Variants in PKP2 observed in about 807,000 individuals in gnomAD.
PKP2 encodes plakophilin-2.
In PKP2, 73 loss-of-function variants were observed where a neutral mutation model predicts 83.4. That is an observed-to-expected ratio of 0.88 (90% CI 0.72 to 1.06). The LOEUF (loss-of-function observed/expected upper bound fraction) is 1.06. PKP2 is among the 50% of genes least tolerant of loss of function. The pLI, the probability that PKP2 is intolerant of heterozygous loss-of-function variation, is 0.00. For missense variants in PKP2, 966 were observed against 1,065.4 expected, an observed-to-expected ratio of 0.91 and a Z score of 1.30; for synonymous variants, 409 against 430.4, an observed-to-expected ratio of 0.95 and a Z score of 0.62.
chr12:32,881,378 A>G (rs1956984568), intron 1 of PKP2, among the ~76,000 whole-genome samples: 1 of 152,138 alleles, frequency 6.6e-6, no homozygotes, highest in South Asian at 2.1e-4. Flanking sequence ...TTTAATCTCT[A>G]TGGCAAAGAA....
intron 4 of PKP2, among the ~76,000 whole-genome samples, chr12:32,857,302 TG>T (rs1389296068): frequency 6.6e-6 from 1 of 152,032 alleles, no homozygotes; most frequent in Non-Finnish European, 1.5e-5. Context: ...GGCATGCACC[TG>T]TAGTCTCAGC....
At chr12:32,871,338 G>C (rs535628504) in intron 3 of PKP2, among the ~76,000 whole-genome samples, 16 of 152,122 alleles carry the variant, frequency 1.1e-4, no homozygotes, top group Admixed American at 1.3e-4. Context: ...TTCTGTTTCA[G>C]GTGTGAGAGT....
rs1382350974 is a variant in PKP2, at chr12:32,843,215, T to A, written c.1379-2010A>T. ...TCAGGCTGGTCTCGAACTCCTGACC[T>A]CGTGATCCGCCCGCCTTGGCCTCCC... On this transcript the variant is annotated intron_variant, in intron 5 of 12. Coordinates refer to ENST00000340811, the MANE Select transcript of PKP2 (RefSeq NM_001005242.3). 1 of 648,138 alleles carries A rather than the reference T, an allele frequency of 1.5e-6. No individual in the cohort carries two copies. 40.1% of individuals were successfully genotyped at this position (648,138 alleles called of 1,614,324 possible). A position where few individuals can be genotyped will look rare whatever the true frequency, so the allele number is the denominator to read the frequency against.
intron 6 of PKP2, among the ~76,000 whole-genome samples, chr12:32,829,401 C>G (rs1427858218): frequency 1.3e-5 from 2 of 150,424 alleles, no homozygotes; most frequent in Non-Finnish European, 3.0e-5. Flanking sequence ...ACTACAGGCG[C>G]ATGTCACCAT....
chr12:32,839,948 C>T (rs1260618920), intron 6 of PKP2, among the ~76,000 whole-genome samples: 2 of 152,214 alleles, frequency 1.3e-5, no homozygotes, highest in African/African-American at 4.8e-5. Flanking sequence ...AGGCCCAGCT[C>T]ACTCGACACC....
At chr12:32,833,076 C>G (rs1565584311) in intron 6 of PKP2, among the ~76,000 whole-genome samples, 1 of 152,092 alleles carries the variant, frequency 6.6e-6, no homozygotes, top group Non-Finnish European at 1.5e-5. Context: ...AACCCCGTCT[C>G]TACTAAAAAT....
intron 3 of PKP2, among the ~76,000 whole-genome samples, chr12:32,872,748 A>G (rs1413839612): frequency 1.3e-5 from 2 of 152,160 alleles, no homozygotes; most frequent in Non-Finnish European, 1.5e-5. Flanking sequence ...AATCCCCACA[A>G]ATATTTTAAA....
intron 6 of PKP2, among the ~76,000 whole-genome samples, chr12:32,830,005 C>A (rs530197807): frequency 2.0e-5 from 3 of 152,258 alleles, no homozygotes; most frequent in South Asian, 2.1e-4. Context: ...AGATAGTGAT[C>A]ACCTCAATGG....
At chr12:32,850,158 T>C (rs936030236) in intron 5 of PKP2, among the ~76,000 whole-genome samples, 18 of 152,362 alleles carry the variant, frequency 1.2e-4, no homozygotes, top group African/African-American at 4.3e-4. Flanking sequence ...GCAGTGAGTC[T>C]TGTCAAATTG....
At chr12:32,805,427 A>G (rs539556683) in intron 9 of PKP2, among the ~76,000 whole-genome samples, 3 of 152,166 alleles carry the variant, frequency 2.0e-5, no homozygotes, top group South Asian at 2.1e-4. Context: ...TAGGGTTTTT[A>G]TAGTTTTGGG....
At position 32,896,576 on chromosome 12, in the gene PKP2, C is replaced by G. The variant is rs201210997; in HGVS notation, c.156G>C (p.Lys52Asn). ...GCACCTGCTCCTGGATCCGCAGGCT[C>G]TTGACTGTCTGGCCGCCGCGGCCGC... Reference protein sequence around the residue: ...GSSGRGGQTVKSLRIQEQVQQ... With the variant: ...GSSGRGGQTVNSLRIQEQVQQ... Residue 52 changes from lysine (K) to asparagine (N), a missense_variant, in exon 1 of 13, where the codon AAG becomes AAC. By Grantham distance (94) the Lys-to-Asn change is moderately conservative. Transcript: ENST00000340811. 1 of 1,590,898 alleles carries G rather than the reference C, an allele frequency of 6.3e-7. No homozygotes were observed. The highest frequency in any genetic ancestry group is 8.5e-7 in the Non-Finnish European group (1 of 1,177,030).
At chr12:32,817,867 C>T (rs891536785) in intron 9 of PKP2, among the ~76,000 whole-genome samples, 1 of 152,158 alleles carries the variant, frequency 6.6e-6, no homozygotes, top group Non-Finnish European at 1.5e-5. Context: ...AGAAAGTGAG[C>T]AGTGAGCGAG....
chr12:32,820,501 G>A (rs564194267), intron 9 of PKP2: 1 of 152,342 alleles, frequency 6.6e-6, no homozygotes, highest in Non-Finnish European at 1.5e-5. Flanking sequence ...AAGAGGATCA[G>A]CTCTTTATTT....
At chr12:32,886,297 C>G (rs565190469) in intron 1 of PKP2, among the ~76,000 whole-genome samples, 9 of 152,162 alleles carry the variant, frequency 5.9e-5, no homozygotes, top group Non-Finnish European at 1.2e-4. Context: ...TTTAACTTCT[C>G]CCATTACAGT....
At chr12:32,839,064 GCACTTT>G (rs1180520573) in intron 6 of PKP2, among the ~76,000 whole-genome samples, 1 of 152,188 alleles carries the variant, frequency 6.6e-6, no homozygotes, top group Non-Finnish European at 1.5e-5. Flanking sequence ...GGAAAAGCAA[GCACTTT>G]GGTGGGTGTG....
intron 1 of PKP2, among the ~76,000 whole-genome samples, chr12:32,884,719 A>C (rs1957015481): frequency 6.6e-6 from 1 of 152,128 alleles, no homozygotes; most frequent in East Asian, 1.9e-4. Context: ...TTTTTTCATG[A>C]ATTAGTCTAT....
At chr12:32,796,526 G>C (rs1420592840) in intron 10 of PKP2, among the ~76,000 whole-genome samples, 3 of 151,970 alleles carry the variant, frequency 2.0e-5, no homozygotes, top group African/African-American at 4.8e-5. Context: ...GGGACTACAG[G>C]CACCCGCCAC....
At chr12:32,847,915 C>T (rs1592749414) in intron 5 of PKP2, among the ~76,000 whole-genome samples, 1 of 151,934 alleles carries the variant, frequency 6.6e-6, no homozygotes, top group Admixed American at 6.6e-5. Flanking sequence ...GGCAGCACAG[C>T]GAGATCCCCA....
At chr12:32,853,903 G>A (rs141182519) in intron 4 of PKP2, among the ~76,000 whole-genome samples, 29 of 152,268 alleles carry the variant, frequency 1.9e-4, no homozygotes, top group East Asian at 1.9e-4. Flanking sequence ...TTCTGGGTAC[G>A]ATCTGTTATT....
Sources: gnomAD v4.1 joint callset for allele counts (sites outside exome capture counted in the v4.1 genomes callset) on GRCh38, gnomAD v4.1.1 for gene constraint, MANE v1.5 for transcripts, NCBI Gene and HGNC (gene_info 2026-07-23, HGNC 2026-07-21) for gene names.